STAU2: variants seen among roughly 807,000 people sequenced by gnomAD.
The protein encoded by STAU2 is double-stranded RNA-binding protein Staufen homolog 2.
STAU2 carries 20 observed loss-of-function variants against 65.9 expected under a neutral mutation model. The ratio of observed to expected loss-of-function variants is 0.30; its 90% CI spans 0.21 to 0.44. The LOEUF is 0.44. STAU2 is among the 20% of genes least tolerant of loss of function. The probability of loss-of-function intolerance (pLI) is 1.00; values close to 1 mark genes in which losing one functional copy is unlikely to be tolerated. For synonymous variants in STAU2, 232 were observed against 233.9 expected, an observed-to-expected ratio of 0.99 and a Z score of 0.07; for missense variants, 558 against 683.9, an observed-to-expected ratio of 0.82 and a Z score of 2.05.
intron 6 of STAU2, among the ~76,000 whole-genome samples, chr8:73,668,477 T>C (rs1235963381): frequency 6.6e-6 from 1 of 152,204 alleles, no homozygotes; most frequent in East Asian, 1.9e-4. Context: ...TAAGCAATAA[T>C]ATTTTTTTAT....
In STAU2 at chr8:73,673,172, T is replaced by C. The variant is rs115816230; in HGVS notation, c.345A>G (p.Pro115=). Residue 115 remains proline (P), a synonymous_variant, in exon 6 of 15, where the codon CCA becomes CCG. Coordinates refer to ENST00000524300, the MANE Select transcript of STAU2 (RefSeq NM_001164380.2). ...MKRGEPAIYR[P]LDPKPFPNYR... ...AATTTGGGAATGGCTTTGGATCTAA[T>C]GGCCTGTAGATGGCAGGCTCTCCCC... is the stretch of plus-strand genomic sequence containing the variant. 8.6e-5 allele frequency: 138 copies of C among 1,607,012 alleles called. 2 individuals are homozygous for C. The African/African-American group carries it at 1.8e-3, about 21-fold the overall frequency.
intron 13 of STAU2, chr8:73,550,895 A>G: frequency 1.0e-6 from 1 of 987,170 alleles, no homozygotes; most frequent in Non-Finnish European, 1.2e-6. Flanking sequence ...CCCAAAACAC[A>G]TGACCTTCTT....
At chr8:73,498,552 T>C (rs1031847951) in intron 13 of STAU2, among the ~76,000 whole-genome samples, 4 of 151,832 alleles carry the variant, frequency 2.6e-5, no homozygotes, top group Admixed American at 6.6e-5. Flanking sequence ...GTCTCTTTCC[T>C]GCTTTCATCA....
chr8:73,730,728 CAAAAAAAAAAAA>C (rs60034849), intron 3 of STAU2, among the ~76,000 whole-genome samples: 5,153 of 82,770 alleles, frequency 0.062, 293 homozygotes, highest in African/African-American at 0.17. Flanking sequence ...CTACGTCTTT[CAAAAAAAAAAAA>C]AAAAAAAAGA....
At chr8:73,735,402 A>G (rs1218630788) in intron 3 of STAU2, among the ~76,000 whole-genome samples, 1 of 152,144 alleles carries the variant, frequency 6.6e-6, no homozygotes, top group Non-Finnish European at 1.5e-5. Flanking sequence ...CAGTAACAAG[A>G]AGGGGGGGTC....
intron 13 of STAU2, among the ~76,000 whole-genome samples, chr8:73,534,294 C>CAGTTGTACAA (rs1299535216): frequency 6.6e-6 from 1 of 152,180 alleles, no homozygotes. Flanking sequence ...GTCTGCACCT[C>CAGTTGTACAA]AGTTGTACAA....
At chr8:73,684,245 T>C (rs1818635791) in intron 5 of STAU2, among the ~76,000 whole-genome samples, 1 of 152,116 alleles carries the variant, frequency 6.6e-6, no homozygotes, top group African/African-American at 2.4e-5. Context: ...AGCACGATAC[T>C]GCTATAAAAA....
intron 13 of STAU2, among the ~76,000 whole-genome samples, chr8:73,441,781 G>C (rs745426748): frequency 1.5e-4 from 23 of 152,220 alleles, no homozygotes; most frequent in Non-Finnish European, 3.1e-4. Context: ...TCCGTCTGGA[G>C]TAAGTAGCTG....
chr8:73,688,489 CGTGTGTGTGTGTGTGTGTGT>C (rs34713766), intron 5 of STAU2, among the ~76,000 whole-genome samples, 145 bp downstream of exon 5: 1 of 146,860 alleles, frequency 6.8e-6, no homozygotes, highest in Admixed American at 6.8e-5. Context: ...TTTATGCTAC[CGTGTGTGTGTGTGTGTGTGT>C]GTGTGTGTGT....
chr8:73,656,909 A>C (rs1182661729), intron 6 of STAU2, among the ~76,000 whole-genome samples: 1 of 152,256 alleles, frequency 6.6e-6, no homozygotes. Context: ...TAGCTTAATG[A>C]AAACGGAAAG....
Position 73,516,617 on chromosome 8 carries a change from G to A in STAU2, c.1530+35395C>T, listed in dbSNP as rs547333949. 7.9e-5 allele frequency among the ~76,000 whole-genome samples: 12 copies of A among 152,234 alleles called. No homozygotes were observed. The South Asian group carries it at 2.5e-3, about 32-fold the overall frequency. ...AATTTTTGAAAAATAACCAGTAACT[G>A]GTTTGTCTAAAAAGGAATTTTGGAC... is the stretch of plus-strand genomic sequence containing the variant. On this transcript the variant is annotated intron_variant, in intron 13 of 14. Transcript: ENST00000524300.
intron 5 of STAU2, among the ~76,000 whole-genome samples, chr8:73,684,040 T>A (rs4737392): frequency 0.97 from 148,138 of 152,316 alleles, 72,061 homozygotes; most frequent in East Asian, 1. Flanking sequence ...TGCCAAAAGC[T>A]ATCTACAAAT....
intron 6 of STAU2, among the ~76,000 whole-genome samples, chr8:73,637,036 CA>C (rs2130086783): frequency 6.6e-6 from 1 of 151,604 alleles, no homozygotes; most frequent in South Asian, 2.1e-4. Flanking sequence ...ACTGGATAGA[CA>C]TAATAGCCAA....
chr8:73,435,103 T>G (rs574855231), intron 13 of STAU2, among the ~76,000 whole-genome samples: 1 of 151,772 alleles, frequency 6.6e-6, no homozygotes, highest in Non-Finnish European at 1.5e-5. Flanking sequence ...ATGCCCCCCC[T>G]GGACCTTCTG....
At chr8:73,746,685 C>A in intron 1 of STAU2, 98 bp downstream of exon 1, 1 of 725,476 alleles carries the variant, frequency 1.4e-6, no homozygotes, top group Non-Finnish European at 1.9e-6. Flanking sequence ...CCGGGTTCCC[C>A]GTGCTGCGGA....
At position 73,690,636 on chromosome 8, in the gene STAU2, TTA is replaced by T. The variant is rs1441284366; in HGVS notation, c.115-1825_115-1824del. 2.0e-5 allele frequency among the ~76,000 whole-genome samples: 3 copies of T among 152,254 alleles called. No individual in the cohort carries two copies. In the East Asian group the frequency reaches 5.8e-4, roughly 29 times the overall value. Reference sequence around the variant, plus strand: ...TACTTTCAAATTGTTCAAGGAAAAATTATATGTCAATATAGAGGGAGCAAGAA... The same window carrying T: ...TACTTTCAAATTGTTCAAGGAAAAATTATGTCAATATAGAGGGAGCAAGAA... On this transcript the variant is annotated intron_variant, in intron 4 of 14. Transcript: ENST00000524300.
intron 13 of STAU2, among the ~76,000 whole-genome samples, chr8:73,538,847 T>C (rs548126425): frequency 7.2e-5 from 11 of 152,184 alleles, no homozygotes; most frequent in South Asian, 2.1e-4. Context: ...CCACTACTTA[T>C]GACAGGTTCT....
chr8:73,581,341 A>G (rs1192586136), intron 12 of STAU2, among the ~76,000 whole-genome samples: 1 of 152,226 alleles, frequency 6.6e-6, no homozygotes, highest in Non-Finnish European at 1.5e-5. Flanking sequence ...ATAATAAGCT[A>G]TATATTCTTG....
intron 13 of STAU2, among the ~76,000 whole-genome samples, chr8:73,478,644 C>G (rs1820445562): frequency 6.6e-6 from 1 of 152,132 alleles, no homozygotes. Flanking sequence ...TTTACAAGGG[C>G]TGCCAAGAAG....
Sources: allele counts gnomAD v4.1 joint callset (sites outside exome capture counted in the v4.1 genomes callset), GRCh38; gene constraint gnomAD v4.1.1; transcripts MANE v1.5; gene names NCBI Gene and HGNC (gene_info 2026-07-23, HGNC 2026-07-21).